Variants in COG5 observed in about 807,000 individuals in gnomAD.
The protein encoded by COG5 is component of oligomeric golgi complex 5, also known as conserved oligomeric Golgi complex subunit 5.
In COG5, 86 loss-of-function variants were observed where a neutral mutation model predicts 110.4. The observed-to-expected ratio is 0.78, with a 90% CI of 0.65 to 0.93. The LOEUF is 0.93. Ranked by LOEUF, COG5 falls within the 40% of genes least tolerant of loss-of-function variation. The pLI is 0.00. For missense variants in COG5, 1,077 were observed against 987.0 expected (o/e 1.09, Z -1.22); for synonymous variants, 360 against 334.6 (o/e 1.08, Z -0.83).
intron 21 of COG5, chr7:107,207,719 T>C: frequency 2.1e-6 from 2 of 967,322 alleles, no homozygotes; most frequent in Non-Finnish European, 2.5e-6. Flanking sequence ...GCTGAACACA[T>C]ACAACTGCCC....
chr7:107,476,904 A>G (rs987655029), intron 6 of COG5, among the ~76,000 whole-genome samples: 1 of 151,724 alleles, frequency 6.6e-6, no homozygotes, highest in Non-Finnish European at 1.5e-5. Flanking sequence ...AATGAATACC[A>G]TGCAGTAGCT....
intron 16 of COG5, among the ~76,000 whole-genome samples, chr7:107,252,644 A>G (rs75363845): frequency 0.035 from 5,265 of 152,266 alleles, 318 homozygotes; most frequent in African/African-American, 0.12. Context: ...GTAAGTAAGC[A>G]TCCTTAACAA....
chr7:107,444,404 G>A (rs1794889467), intron 6 of COG5, among the ~76,000 whole-genome samples: 1 of 152,162 alleles, frequency 6.6e-6, no homozygotes. Flanking sequence ...AGTTAGCCAT[G>A]AAAAGTTGCA....
intron 11 of COG5, among the ~76,000 whole-genome samples, chr7:107,305,975 G>T (rs745960094): frequency 1.1e-4 from 17 of 152,098 alleles, no homozygotes; most frequent in Non-Finnish European, 2.1e-4. Context: ...GCCAATACCA[G>T]TAGACAGATG....
chr7:107,396,419 G>C (rs1369351874), intron 7 of COG5, among the ~76,000 whole-genome samples: 1 of 151,132 alleles, frequency 6.6e-6, no homozygotes, highest in East Asian at 2.0e-4. Context: ...TACTAAAAAG[G>C]AAATTTAATA....
intron 21 of COG5, chr7:107,208,087 A>G (rs777799268): frequency 3.5e-5 from 34 of 985,346 alleles, no homozygotes; most frequent in Admixed American, 6.1e-5. Context: ...TTGTTTTGCA[A>G]TAATACATAA....
At chr7:107,354,710 T>A (rs1396888850) in intron 10 of COG5, among the ~76,000 whole-genome samples, 1 of 152,190 alleles carries the variant, frequency 6.6e-6, no homozygotes, top group Non-Finnish European at 1.5e-5. Context: ...GAAACTGAAT[T>A]AATAATTATG....
intron 12 of COG5, among the ~76,000 whole-genome samples, chr7:107,292,372 G>A (rs1193727451): frequency 2.0e-5 from 3 of 152,166 alleles, no homozygotes; most frequent in Non-Finnish European, 4.4e-5. Context: ...CTTTATGCCA[G>A]GGCTCTGGAC....
chr7:107,223,995 C>T (rs572928670), intron 19 of COG5, among the ~76,000 whole-genome samples: 2 of 152,172 alleles, frequency 1.3e-5, no homozygotes, highest in African/African-American at 4.8e-5. Flanking sequence ...TCATGTTTAC[C>T]TGGGTGCGCT....
chr7:107,292,778 T>C (rs538841464), intron 12 of COG5, among the ~76,000 whole-genome samples: 9 of 152,258 alleles, frequency 5.9e-5, no homozygotes, highest in African/African-American at 1.7e-4. Context: ...CTGGGGCCCA[T>C]TTAGATGAAG....
intron 6 of COG5, among the ~76,000 whole-genome samples, chr7:107,447,508 T>C (rs1317484020): frequency 2.6e-5 from 4 of 152,252 alleles, no homozygotes; most frequent in Admixed American, 2.0e-4. Flanking sequence ...AGAGGAAAAG[T>C]GTCCTGAAGT....
chr7:107,310,786 C>T (rs1808160558), intron 11 of COG5, among the ~76,000 whole-genome samples: 1 of 152,172 alleles, frequency 6.6e-6, no homozygotes. Context: ...AGTACACACA[C>T]CCAGGACTGA....
At chr7:107,341,288 A>T (rs1811151301) in intron 10 of COG5, among the ~76,000 whole-genome samples, 1 of 152,146 alleles carries the variant, frequency 6.6e-6, no homozygotes, top group Admixed American at 6.6e-5. Context: ...AGCCACACAC[A>T]AAAAATGAAA....
chr7:107,288,379 G>A (rs2116847032), intron 12 of COG5, among the ~76,000 whole-genome samples: 1 of 152,242 alleles, frequency 6.6e-6, no homozygotes, highest in South Asian at 2.1e-4. Context: ...AAAGTTTGAA[G>A]AACTGCCAAA....
In COG5 at chr7:107,201,486, G is replaced by A; in HGVS notation, c.*2030C>T. ...TTTGCATATACATTGACTCTTGATG[G>A]AAAGACTTAAGAAGATCAAGGTCTC... On this transcript the variant is annotated 3_prime_UTR_variant, in exon 22 of 22. Transcript: ENST00000297135. 8.7e-7 allele frequency: 1 copy of A among 1,153,240 alleles called. No individual in the cohort carries two copies. The highest frequency in any genetic ancestry group is 1.3e-6 in the Non-Finnish European group (1 of 767,642). 71.4% of individuals were successfully genotyped at this position (1,153,240 alleles called of 1,614,324 possible).
In COG5 at chr7:107,258,256, C is replaced by A. The variant is rs1320310829; in HGVS notation, c.1686+17G>T. The A allele has an allele frequency of 1.4e-6, 2 of 1,471,872 alleles. No homozygotes were observed. The highest frequency in any genetic ancestry group is 1.9e-6 in the Non-Finnish European group (2 of 1,052,820). 91.2% of individuals were successfully genotyped at this position (1,471,872 alleles called of 1,614,324 possible). ...GAATTTAAAATTAAGTAAAAAAAAA[C>A]TTAATAAAATAGTTACCTTTGTTAC... On this transcript the variant is annotated intron_variant, in intron 15 of 21. Coordinates refer to ENST00000297135, the MANE Select transcript of COG5 (RefSeq NM_006348.5).
At chr7:107,248,636 G>T in intron 16 of COG5, 137 bp from the exon 17 acceptor site, 1 of 676,382 alleles carries the variant, frequency 1.5e-6, no homozygotes, top group South Asian at 1.7e-5. Flanking sequence ...ACAGAAGTCT[G>T]CTCCTCTCCC....
At chr7:107,357,518 T>C (rs565330716) in intron 10 of COG5, among the ~76,000 whole-genome samples, 20 of 152,326 alleles carry the variant, frequency 1.3e-4, no homozygotes, top group Admixed American at 4.6e-4. Context: ...AGCGTGAGAA[T>C]AGTGTCTGAA....
intron 6 of COG5, among the ~76,000 whole-genome samples, chr7:107,473,457 A>G (rs1042809706): frequency 9.2e-5 from 14 of 151,976 alleles, no homozygotes; most frequent in Admixed American, 6.6e-4. Flanking sequence ...TGTGGGAAAT[A>G]ACCCCAAATA....
Sources: gnomAD v4.1 joint callset for allele counts (sites outside exome capture counted in the v4.1 genomes callset) on GRCh38, gnomAD v4.1.1 for gene constraint, MANE v1.5 for transcripts, NCBI Gene and HGNC (gene_info 2026-07-23, HGNC 2026-07-21) for gene names.